The following C2orf49 variants were observed in gnomAD, a reference collection of about 807,000 sequenced individuals.
C2orf49 encodes the protein tRNA splicing ligase complex subunit 2, also known as tRNA-splicing ligase complex subunit ASW.
Under a neutral mutation model 20.6 loss-of-function variants are expected in C2orf49, and 11 were observed. The ratio of observed to expected loss-of-function variants is 0.53; its 90% CI spans 0.34 to 0.88. The LOEUF is 0.88. Ranked by LOEUF, C2orf49 falls within the 40% of genes least tolerant of loss-of-function variation. The probability of loss-of-function intolerance (pLI) is 0.02; values close to 1 mark genes in which losing one functional copy is unlikely to be tolerated. For synonymous variants in C2orf49, 134 were observed against 108.5 expected (o/e 1.24, Z -1.46); for missense variants, 289 against 274.2 (o/e 1.05, Z -0.38).
chr2:105,373,488 G>C, the C2orf49 span: 1 of 1,540,264 alleles, frequency 6.5e-7, no homozygotes, highest in Non-Finnish European at 9.0e-7. Flanking sequence ...AATGTGAACA[G>C]GGGGTCAGAG....
chr2:105,381,697 G>A, the C2orf49 span, among the ~76,000 whole-genome samples: 1 of 152,108 alleles, frequency 6.6e-6, no homozygotes, highest in African/African-American at 2.4e-5. Flanking sequence ...TTGTCTTTTA[G>A]GAGGAAATCC....
the C2orf49 span, among the ~76,000 whole-genome samples, chr2:105,357,538 A>C: frequency 0.11 from 17,197 of 152,262 alleles, 1,304 homozygotes; most frequent in Non-Finnish European, 0.15. Context: ...AAAATGGCAT[A>C]GAATTTGCAT....
Position 105,346,239 on chromosome 2 carries a change from GTTCT to G in C2orf49, c.*871_*874del, listed in dbSNP as rs973822440. Reference sequence around the variant, plus strand: ...TTCAGAATATACAGATAAAAATGCTGTTCTTTAATTGCTTACATTGCTTCTTCCC... The same window carrying G: ...TTCAGAATATACAGATAAAAATGCTGTTAATTGCTTACATTGCTTCTTCCC... On this transcript the variant is annotated 3_prime_UTR_variant, in exon 4 of 4. Transcript: ENST00000258457. The G allele has an allele frequency of 6.6e-5, 10 of 152,266 alleles. No homozygotes were observed. The highest frequency in any genetic ancestry group is 2.4e-4 in the African/African-American group (10 of 41,552). 9.4% of individuals were successfully genotyped at this position (152,266 alleles called of 1,614,324 possible).
At chr2:105,367,993 G>T in the C2orf49 span, among the ~76,000 whole-genome samples, 1 of 152,130 alleles carries the variant, frequency 6.6e-6, no homozygotes, top group African/African-American at 2.4e-5. Context: ...TTTATTTATT[G>T]AATACCGTGG....
Position 105,345,481 on chromosome 2 carries a change from G to T in C2orf49, c.*110G>T. 4 of 856,702 alleles carry T rather than the reference G, an allele frequency of 4.7e-6. No homozygotes were observed. The highest frequency in any genetic ancestry group is 2.7e-5 in the East Asian group (1 of 36,384). The allele number at this position is 856,702 out of a possible 1,614,324, so 53.1% of individuals were successfully genotyped here. ...TGATTATTGTGGAATTTTCTTAAGA[G>T]GTTTCAAATAGGTTTAAAAAAATAA... On this transcript the variant is annotated 3_prime_UTR_variant, in exon 4 of 4. Transcript: ENST00000258457.
chr2:105,377,590 C>G, the C2orf49 span: 4 of 158,338 alleles, frequency 2.5e-5, no homozygotes, highest in African/African-American at 9.6e-5. Context: ...GAGCCAAGAT[C>G]GCACCATTGC....
Position 105,348,816 on chromosome 2 carries a change from T to G in C2orf49, c.*3445T>G, listed in dbSNP as rs1679875417. 6.6e-6 allele frequency: 1 copy of G among 152,202 alleles called. No individual in the cohort carries two copies. The highest frequency in any genetic ancestry group is 6.5e-5 in the Admixed American group (1 of 15,282). 9.4% of individuals were successfully genotyped at this position (152,202 alleles called of 1,614,324 possible). Reference sequence around the variant, plus strand: ...AAATGGAAAAATGCTCTGTAATGACTTGATCTGTTTTTATTTGAGTGAACA... The same window carrying G: ...AAATGGAAAAATGCTCTGTAATGACGTGATCTGTTTTTATTTGAGTGAACA... On this transcript the variant is annotated 3_prime_UTR_variant, in exon 4 of 4. Coordinates refer to ENST00000258457, the MANE Select transcript of C2orf49 (RefSeq NM_024093.3).
rs1382239252 is a variant in C2orf49 at position 105,345,648 on chromosome 2, G to A, written c.*277G>A. Reference sequence around the variant, plus strand: ...TATATTGACCCTACTGAAATTATTAGCTACAAATGTGCTATAAAGCATCCA... The same window carrying A: ...TATATTGACCCTACTGAAATTATTAACTACAAATGTGCTATAAAGCATCCA... On this transcript the variant is annotated 3_prime_UTR_variant, in exon 4 of 4. Coordinates refer to ENST00000258457, the MANE Select transcript of C2orf49 (RefSeq NM_024093.3). 7.5e-6 allele frequency: 3 copies of A among 397,756 alleles called. No homozygotes were observed. Among genetic ancestry groups the A allele is most frequent in the Non-Finnish European group, 1.3e-5 (3 of 222,484 alleles). 24.6% of individuals were successfully genotyped at this position (397,756 alleles called of 1,614,324 possible). A position where few individuals can be genotyped will look rare whatever the true frequency, so the allele number is the denominator to read the frequency against.
the C2orf49 span, among the ~76,000 whole-genome samples, chr2:105,377,008 G>A: frequency 6.6e-6 from 1 of 152,236 alleles, no homozygotes; most frequent in Non-Finnish European, 1.5e-5. Flanking sequence ...GTTGCCAGGG[G>A]CTGGGATGAG....
the C2orf49 span, among the ~76,000 whole-genome samples, chr2:105,371,406 T>G: frequency 1.3e-5 from 2 of 152,138 alleles, no homozygotes; most frequent in South Asian, 4.1e-4. Context: ...TGCCTGAGTT[T>G]CCAGCCTGCC....
chr2:105,365,031 C>T, the C2orf49 span, among the ~76,000 whole-genome samples: 1 of 152,184 alleles, frequency 6.6e-6, no homozygotes, highest in Non-Finnish European at 1.5e-5. Flanking sequence ...GTGTGTAAGA[C>T]ATCTCTGCCT....
At chr2:105,364,483 T>G in the C2orf49 span, among the ~76,000 whole-genome samples, 53 of 152,204 alleles carry the variant, frequency 3.5e-4, no homozygotes, top group Non-Finnish European at 6.6e-4. Context: ...TTAGAACATC[T>G]GTGAGGTGAA....
the C2orf49 span, chr2:105,367,856 A>G: frequency 3.2e-5 from 32 of 1,012,384 alleles, no homozygotes; most frequent in Non-Finnish European, 4.2e-5. Flanking sequence ...AAGCCACTTC[A>G]GCTCTTGAAG....
chr2:105,350,804 G>C (rs1217456974), downstream of C2orf49, among the ~76,000 whole-genome samples: 1 of 152,172 alleles, frequency 6.6e-6, no homozygotes, highest in Non-Finnish European at 1.5e-5. Flanking sequence ...CAGTAGTACA[G>C]ATTTTTAACA....
the C2orf49 span, among the ~76,000 whole-genome samples, chr2:105,384,990 G>C: frequency 6.6e-6 from 1 of 152,232 alleles, no homozygotes; most frequent in Non-Finnish European, 1.5e-5. Flanking sequence ...GGTGCAGTGA[G>C]ACACGCAGCA....
chr2:105,377,924 G>C, the C2orf49 span: 1 of 402,074 alleles, frequency 2.5e-6, no homozygotes, highest in Non-Finnish European at 5.1e-6. Flanking sequence ...CGCCCAGAGG[G>C]GTGGCAAGTT....
At chr2:105,352,429 G>GTTTTTTTTTTTTTTTTTTTTTTT (rs61585149), downstream of C2orf49, among the ~76,000 whole-genome samples, 8 of 80,758 alleles carry the variant, frequency 9.9e-5, no homozygotes, top group Admixed American at 1.9e-4. Context: ...GTTTGTTTGG[G>GTTTTTTTTTTTTTTTTTTTTTTT]TTTTTTTTTT....
chr2:105,374,058 C>T, the C2orf49 span: 1 of 356,550 alleles, frequency 2.8e-6, no homozygotes, highest in Non-Finnish European at 5.3e-6. Context: ...ACATGAACAC[C>T]TATCAATTCG....
chr2:105,343,030 C>T lies in C2orf49; in HGVS notation c.449C>T (p.Ser150Leu). 6.2e-7 allele frequency: 1 copy of T among 1,614,222 alleles called. No homozygotes were observed. The highest frequency in any genetic ancestry group is 8.5e-7 in the Non-Finnish European group (1 of 1,180,046). ...RKLSNSSSSV[S>L]PLILSSNLPV... ...TTATCAAATTCCTCTTCGAGTGTTTCACCCCTAATTTTGTCTTCCAATTTG... is the reference window on the plus strand; with the variant it reads ...TTATCAAATTCCTCTTCGAGTGTTTTACCCCTAATTTTGTCTTCCAATTTG... Residue 150 changes from serine (S) to leucine (L), a missense_variant, in exon 3 of 4, where the codon TCA (serine) becomes TTA (leucine). By Grantham distance (145) the Ser-to-Leu change is moderately radical. Transcript: ENST00000258457.
Sources: gnomAD v4.1 joint callset for allele counts (sites outside exome capture counted in the v4.1 genomes callset) on GRCh38, gnomAD v4.1.1 for gene constraint, MANE v1.5 for transcripts, NCBI Gene and HGNC (gene_info 2026-07-23, HGNC 2026-07-21) for gene names.